Variants in CNTNAP2 observed in about 807,000 individuals in gnomAD.
CNTNAP2 encodes contactin-associated protein-like 2.
CNTNAP2 carries 98 observed loss-of-function variants against 155.2 expected under a neutral mutation model. The observed-to-expected ratio is 0.63, with a 90% CI of 0.54 to 0.75. The LOEUF is 0.75. Among genes scored for constraint, CNTNAP2 ranks in the 30% least tolerant of loss-of-function variants. The pLI is 0.00. For missense variants in CNTNAP2, 1,727 were observed against 1,688.1 expected (o/e 1.02, Z -0.40); for synonymous variants, 651 against 631.2 (o/e 1.03, Z -0.47).
chr7:147,410,122 T>A (rs1366400045), intron 10 of CNTNAP2, among the ~76,000 whole-genome samples: 2 of 152,162 alleles, frequency 1.3e-5, no homozygotes, highest in East Asian at 3.8e-4. Context: ...TGCAGCCCTA[T>A]TCACAATAGC....
At chr7:148,055,700 A>T (rs1024028540) in intron 15 of CNTNAP2, among the ~76,000 whole-genome samples, 23 of 152,238 alleles carry the variant, frequency 1.5e-4, no homozygotes, top group Non-Finnish European at 2.9e-5. Flanking sequence ...AGCCACAAAA[A>T]GACTGTTTCA....
chr7:146,652,334 C>T (rs183891561), intron 1 of CNTNAP2, among the ~76,000 whole-genome samples: 75 of 152,206 alleles, frequency 4.9e-4, no homozygotes, highest in Non-Finnish European at 2.4e-4. Flanking sequence ...AATAGACCTA[C>T]GACTGTTGGT....
chr7:147,719,265 A>G (rs1203292203), intron 13 of CNTNAP2, among the ~76,000 whole-genome samples: 1 of 152,118 alleles, frequency 6.6e-6, no homozygotes, highest in Non-Finnish European at 1.5e-5. Context: ...AAACAAGCCC[A>G]GGAAGGAATG....
intron 14 of CNTNAP2, among the ~76,000 whole-genome samples, chr7:147,911,861 G>C (rs892848523): frequency 6.6e-6 from 1 of 152,096 alleles, no homozygotes. Flanking sequence ...TTTGCCAAGG[G>C]ACACTTTTAT....
intron 10 of CNTNAP2, among the ~76,000 whole-genome samples, chr7:147,411,319 C>T (rs1797098902): frequency 1.3e-5 from 2 of 152,092 alleles, no homozygotes; most frequent in African/African-American, 4.8e-5. Flanking sequence ...TTTCCTGGCT[C>T]AAAGATTAAT....
intron 3 of CNTNAP2, among the ~76,000 whole-genome samples, chr7:146,940,276 G>T (rs867742974): frequency 6.6e-6 from 1 of 151,940 alleles, no homozygotes; most frequent in Admixed American, 6.6e-5. Flanking sequence ...CACGATTTGG[G>T]CTCACTGCAA....
chr7:147,902,019 C>T (rs1799877468), intron 13 of CNTNAP2, among the ~76,000 whole-genome samples: 1 of 152,230 alleles, frequency 6.6e-6, no homozygotes, highest in African/African-American at 2.4e-5. Flanking sequence ...TTGTGCTTAG[C>T]TCCAATATTC....
rs140086108 is a variant in CNTNAP2, at chr7:147,352,070, A to G, written c.1499-43539A>G. Among the ~76,000 whole-genome samples, 20 of 152,072 alleles carry G rather than the reference A, an allele frequency of 1.3e-4. 1 individual carries two copies. The South Asian group carries it at 3.1e-3, about 24-fold the overall frequency. ...TGAATAAATAGCATCAGCTAAGGTC[A>G]TCTGTTCTACCTGTTGCTTTAGGTT... On this transcript the variant is annotated intron_variant, in intron 9 of 23. Transcript: ENST00000361727.
At chr7:147,092,338 A>C (rs909405186) in intron 4 of CNTNAP2, among the ~76,000 whole-genome samples, 1 of 152,230 alleles carries the variant, frequency 6.6e-6, no homozygotes, top group Non-Finnish European at 1.5e-5. Context: ...AGAATTCTGC[A>C]ACTTTGCAAT....
Position 146,336,147 on chromosome 7 carries a change from C to T in CNTNAP2, c.97+219174C>T, listed in dbSNP as rs1014609892. Among the ~76,000 whole-genome samples the T allele has an allele frequency of 1.6e-4, 24 of 148,646 alleles. No homozygotes were observed. In the East Asian group the frequency reaches 3.8e-3, roughly 23 times the overall value. ...CTGGGAGGCGGAGGTTGTGGTGAGC[C>T]GAGATCACACCATTGCACTCCAGCC... On this transcript the variant is annotated intron_variant, in intron 1 of 23. Transcript: ENST00000361727.
chr7:146,992,304 A>G (rs1322586960), intron 3 of CNTNAP2, among the ~76,000 whole-genome samples: 1 of 151,842 alleles, frequency 6.6e-6, no homozygotes, highest in Non-Finnish European at 1.5e-5. Context: ...TTTATGCTAC[A>G]TATTTTCCTA....
At chr7:146,611,760 C>G (rs950300410) in intron 1 of CNTNAP2, among the ~76,000 whole-genome samples, 1 of 152,132 alleles carries the variant, frequency 6.6e-6, no homozygotes, top group Non-Finnish European at 1.5e-5. Context: ...TAACTTTAGG[C>G]AAGCTTTATA....
chr7:147,198,996 C>G (rs1314920571), intron 8 of CNTNAP2, among the ~76,000 whole-genome samples: 3 of 132,328 alleles, frequency 2.3e-5, no homozygotes, highest in Non-Finnish European at 1.6e-5. Flanking sequence ...GAATGATGCT[C>G]TGTCACCCAG....
chr7:146,752,206 C>G (rs573717472), intron 1 of CNTNAP2, among the ~76,000 whole-genome samples: 2 of 152,286 alleles, frequency 1.3e-5, no homozygotes, highest in African/African-American at 4.8e-5. Context: ...GCCACACTGT[C>G]TTCCACAGTG....
intron 15 of CNTNAP2, among the ~76,000 whole-genome samples, chr7:148,055,499 C>A (rs2707569): frequency 0.014 from 2,079 of 152,252 alleles, 49 homozygotes; most frequent in African/African-American, 0.048. Context: ...CTCCAGAGAG[C>A]TGTTTTATTA....
At chr7:147,566,473 G>A (rs938643663) in intron 12 of CNTNAP2, among the ~76,000 whole-genome samples, 1 of 152,056 alleles carries the variant, frequency 6.6e-6, no homozygotes, top group Non-Finnish European at 1.5e-5. Flanking sequence ...CCCTGAGATT[G>A]AGTAATTTAT....
At chr7:146,209,694 G>A (rs1229070389) in intron 1 of CNTNAP2, among the ~76,000 whole-genome samples, 1 of 151,716 alleles carries the variant, frequency 6.6e-6, no homozygotes, top group Non-Finnish European at 1.5e-5. Context: ...TTAAAATAAA[G>A]GAAATGTTTG....
At chr7:146,337,136 C>A (rs953533105) in intron 1 of CNTNAP2, among the ~76,000 whole-genome samples, 1 of 151,934 alleles carries the variant, frequency 6.6e-6, no homozygotes, top group Non-Finnish European at 1.5e-5. Flanking sequence ...ACCCAGGACC[C>A]CCCTGTCTTT....
intron 15 of CNTNAP2, among the ~76,000 whole-genome samples, chr7:147,991,020 ACCT>A (rs1435838440): frequency 6.6e-5 from 10 of 152,020 alleles, no homozygotes; most frequent in African/African-American, 2.4e-4. Context: ...ACCATGAGTC[ACCT>A]TATTGGCATG....
Sources: gnomAD v4.1 joint callset for allele counts (sites outside exome capture counted in the v4.1 genomes callset) on GRCh38, gnomAD v4.1.1 for gene constraint, MANE v1.5 for transcripts, NCBI Gene and HGNC (gene_info 2026-07-23, HGNC 2026-07-21) for gene names.